The following TBL1XR1 variants were observed in gnomAD, a reference collection of about 807,000 sequenced individuals.
The protein encoded by TBL1XR1 is F-box-like/WD repeat-containing protein TBL1XR1.
In TBL1XR1, 5 loss-of-function variants were observed where a neutral mutation model predicts 66.9. That is an observed-to-expected ratio of 0.07 (90% CI 0.04 to 0.16). The LOEUF (loss-of-function observed/expected upper bound fraction) is 0.16, where lower values mean the gene tolerates loss of function less well. Among genes scored for constraint, TBL1XR1 ranks in the 10% least tolerant of loss-of-function variants. TBL1XR1 has a pLI of 1.00. For missense variants in TBL1XR1, 238 were observed against 623.2 expected (o/e 0.38, Z 6.58); for synonymous variants, 210 against 206.0 (o/e 1.02, Z -0.17).
Position 177,111,271 on chromosome 3 carries a change from A to AT in TBL1XR1, c.-121-12731dup, listed in dbSNP as rs10569471. On this transcript the variant is annotated intron_variant, in intron 1 of 15. Transcript: ENST00000457928. ...TTCCACTGAGAAACCACTATGATTGATTTTTTTTTTTTTTTTTTAAAGACA... is the reference window on the plus strand; with the variant it reads ...TTCCACTGAGAAACCACTATGATTGATTTTTTTTTTTTTTTTTTTAAAGACA... Among the ~76,000 whole-genome samples, 519 of 144,104 alleles carry AT rather than the reference A, an allele frequency of 3.6e-3. 7 individuals are homozygous for AT. The highest frequency in any genetic ancestry group is 0.032 in the East Asian group (157 of 4,948). The allele number at this position is 144,104 out of a possible 152,430, so 94.5% of individuals were successfully genotyped here. A position where few individuals can be genotyped will look rare whatever the true frequency, so the allele number is the denominator to read the frequency against.
chr3:177,127,010 T>C (rs539438049), intron 1 of TBL1XR1, among the ~76,000 whole-genome samples: 23 of 152,346 alleles, frequency 1.5e-4, no homozygotes, highest in African/African-American at 5.5e-4. Context: ...TGAACTAACC[T>C]ACAGTTCTCT....
intron 1 of TBL1XR1, among the ~76,000 whole-genome samples, chr3:177,116,841 A>G (rs1223356057): frequency 6.6e-6 from 1 of 152,234 alleles, no homozygotes; most frequent in Non-Finnish European, 1.5e-5. Context: ...AATAAATGGT[A>G]GCTGTTGCTA....
At chr3:177,055,735 G>GATT (rs1279069945) in intron 3 of TBL1XR1, among the ~76,000 whole-genome samples, 2 of 152,088 alleles carry the variant, frequency 1.3e-5, no homozygotes, top group African/African-American at 4.8e-5. Context: ...TGAGGTTGGA[G>GATT]ATTCCTGTTT....
At chr3:177,112,107 ATTTTT>A (rs71170852) in intron 1 of TBL1XR1, among the ~76,000 whole-genome samples, 34 of 37,640 alleles carry the variant, frequency 9.0e-4, no homozygotes, top group East Asian at 7.0e-3. Flanking sequence ...ATATATATAT[ATTTTT>A]TTTTTTTTTT....
intron 1 of TBL1XR1, among the ~76,000 whole-genome samples, chr3:177,183,523 T>A (rs983659959): frequency 3.3e-5 from 5 of 152,092 alleles, no homozygotes; most frequent in African/African-American, 9.7e-5. Context: ...AAGCAAAAAT[T>A]TTTTTGAGAC....
intron 1 of TBL1XR1, among the ~76,000 whole-genome samples, chr3:177,191,785 C>T (rs2109009911): frequency 6.6e-6 from 1 of 152,282 alleles, no homozygotes; most frequent in Non-Finnish European, 1.5e-5. Context: ...CTGCTGGACC[C>T]AAACCTTGAA....
chr3:177,067,861 T>C (rs1719373259), intron 2 of TBL1XR1, among the ~76,000 whole-genome samples: 1 of 152,216 alleles, frequency 6.6e-6, no homozygotes, highest in Non-Finnish European at 1.5e-5. Context: ...TTTATTTATA[T>C]AGCCAAATGA....
intron 1 of TBL1XR1, among the ~76,000 whole-genome samples, chr3:177,112,107 A>ATATATATTTT: frequency 1.6e-4 from 6 of 37,652 alleles, no homozygotes; most frequent in South Asian, 2.1e-3. Context: ...ATATATATAT[A>ATATATATTTT]TTTTTTTTTT....
intron 13 of TBL1XR1, 63 bp downstream of exon 13, chr3:177,034,135 A>G (rs1217304323): frequency 1.8e-5 from 27 of 1,509,542 alleles, no homozygotes; most frequent in African/African-American, 5.8e-5. Context: ...AACTTCTGTC[A>G]TATCTATTGG....
At chr3:177,141,461 G>C (rs1283585823) in intron 1 of TBL1XR1, among the ~76,000 whole-genome samples, 1 of 151,864 alleles carries the variant, frequency 6.6e-6, no homozygotes, top group South Asian at 2.1e-4. Context: ...GTATGCATAT[G>C]ATCTCAAGTG....
chr3:177,061,260 G>C (rs907791724), intron 3 of TBL1XR1, among the ~76,000 whole-genome samples: 1 of 152,144 alleles, frequency 6.6e-6, no homozygotes, highest in South Asian at 2.1e-4. Flanking sequence ...AAATGAATCT[G>C]AGAATTTATG....
chr3:177,041,548 C>A (rs899409303), intron 10 of TBL1XR1, among the ~76,000 whole-genome samples: 2 of 152,126 alleles, frequency 1.3e-5, no homozygotes, highest in African/African-American at 4.8e-5. Flanking sequence ...TTGGAGAAAC[C>A]CAACCTAAAT....
chr3:177,151,182 C>T (rs1351968711), intron 1 of TBL1XR1, among the ~76,000 whole-genome samples: 1 of 152,212 alleles, frequency 6.6e-6, no homozygotes, highest in Non-Finnish European at 1.5e-5. Flanking sequence ...GGGAAGAAAG[C>T]CAAATCTGTG....
At chr3:177,172,721 C>T (rs1276172524) in intron 1 of TBL1XR1, among the ~76,000 whole-genome samples, 2 of 149,214 alleles carry the variant, frequency 1.3e-5, no homozygotes, top group Admixed American at 1.3e-4. Context: ...AGAGCCAAGC[C>T]GAGCCAAGCC....
intron 14 of TBL1XR1, among the ~76,000 whole-genome samples, chr3:177,031,802 AAATGT>A (rs923634307): frequency 8.6e-5 from 13 of 151,510 alleles, no homozygotes; most frequent in African/African-American, 2.4e-4. Context: ...AATTTTATTA[AAATGT>A]AATGTAAGAT....
intron 1 of TBL1XR1, among the ~76,000 whole-genome samples, chr3:177,168,120 C>T (rs1733040496): frequency 6.6e-6 from 1 of 151,964 alleles, no homozygotes; most frequent in South Asian, 2.1e-4. Context: ...ATACATTAGG[C>T]CATGTTATAT....
intron 1 of TBL1XR1, among the ~76,000 whole-genome samples, chr3:177,119,700 T>C (rs1315789704): frequency 6.6e-6 from 1 of 152,220 alleles, no homozygotes; most frequent in Non-Finnish European, 1.5e-5. Flanking sequence ...TATACTTCTG[T>C]GACCATTTAA....
At chr3:177,083,426 T>TAA (rs1457446386) in intron 2 of TBL1XR1, among the ~76,000 whole-genome samples, 2 of 152,230 alleles carry the variant, frequency 1.3e-5, no homozygotes, top group Non-Finnish European at 2.9e-5. Flanking sequence ...TTCTGCATCA[T>TAA]AAGCAGGTCA....
intron 1 of TBL1XR1, among the ~76,000 whole-genome samples, chr3:177,165,259 A>G (rs1439250978): frequency 6.6e-6 from 1 of 152,228 alleles, no homozygotes; most frequent in African/African-American, 2.4e-5. Flanking sequence ...TTGAAGTGAA[A>G]AACACAAAAC....
Sources: allele counts gnomAD v4.1 joint callset (sites outside exome capture counted in the v4.1 genomes callset), GRCh38; gene constraint gnomAD v4.1.1; transcripts MANE v1.5; gene names NCBI Gene and HGNC (gene_info 2026-07-23, HGNC 2026-07-21).